CELF2: variants seen among roughly 807,000 people sequenced by gnomAD.
CELF2 encodes the protein CUG triplet repeat RNA-binding protein 2.
A neutral mutation model predicts 62.6 loss-of-function variants in CELF2; 8 were observed. The observed-to-expected ratio is 0.13, with a 90% CI of 0.07 to 0.23. The LOEUF (loss-of-function observed/expected upper bound fraction) is 0.23, where lower values mean the gene tolerates loss of function less well. Among genes scored for constraint, CELF2 ranks in the 10% least tolerant of loss-of-function variants. The pLI is 1.00. For missense variants in CELF2, 333 were observed against 671.0 expected (o/e 0.50, Z 5.56); for synonymous variants, 258 against 250.0 (o/e 1.03, Z -0.30).
chr10:10,827,730 G>C (rs1047788606), intron 1 of CELF2, among the ~76,000 whole-genome samples: 1 of 152,088 alleles, frequency 6.6e-6, no homozygotes, highest in Non-Finnish European at 1.5e-5. Context: ...TCATTGACTT[G>C]ATTTTTCTCT....
intron 1 of CELF2, among the ~76,000 whole-genome samples, chr10:11,101,385 A>G (rs1248650689): frequency 6.6e-6 from 1 of 152,230 alleles, no homozygotes; most frequent in East Asian, 1.9e-4. Context: ...AATTTCAGCC[A>G]TGGGTGTGAA....
At chr10:10,504,814 T>C in the CELF2 span, among the ~76,000 whole-genome samples, 1 of 152,162 alleles carries the variant, frequency 6.6e-6, no homozygotes, top group South Asian at 2.1e-4. Flanking sequence ...TTCATTCTGC[T>C]GTTGAATGCA....
chr10:11,197,679 C>G (rs538981694), intron 2 of CELF2, among the ~76,000 whole-genome samples: 7 of 152,216 alleles, frequency 4.6e-5, no homozygotes, highest in Admixed American at 4.6e-4. Context: ...TTGACTTACA[C>G]GGTCGGTGGC....
intron 1 of CELF2, among the ~76,000 whole-genome samples, chr10:11,047,946 A>T (rs1350909226): frequency 6.6e-6 from 1 of 152,224 alleles, no homozygotes; most frequent in Non-Finnish European, 1.5e-5. Flanking sequence ...TTTCAAAATT[A>T]TGGAAAAATG....
At chr10:10,691,538 G>A in the CELF2 span, among the ~76,000 whole-genome samples, 3 of 151,874 alleles carry the variant, frequency 2.0e-5, no homozygotes, top group Admixed American at 6.6e-5. Context: ...GGGATGGGCT[G>A]GGTCAAATGG....
the CELF2 span, among the ~76,000 whole-genome samples, chr10:10,683,238 T>A: frequency 6.6e-6 from 1 of 152,222 alleles, no homozygotes; most frequent in Non-Finnish European, 1.5e-5. Flanking sequence ...ACAGAAAGTC[T>A]GTTCAAAAGT....
chr10:10,733,863 C>A, the CELF2 span, among the ~76,000 whole-genome samples: 1 of 152,092 alleles, frequency 6.6e-6, no homozygotes, highest in Non-Finnish European at 1.5e-5. Flanking sequence ...GGGGACAGAG[C>A]CAAGGACAAA....
intron 1 of CELF2, among the ~76,000 whole-genome samples, chr10:10,833,013 C>CTGTGTGTGTGTGTGTGTGTG (rs71378768): frequency 1.5e-4 from 22 of 144,614 alleles, no homozygotes; most frequent in African/African-American, 5.2e-4. Context: ...ACAGAAAACT[C>CTGTGTGTGTGTGTGTGTGTG]TGTGTGTGTG....
At chr10:10,856,002 G>T (rs2059683707) in intron 1 of CELF2, among the ~76,000 whole-genome samples, 1 of 152,140 alleles carries the variant, frequency 6.6e-6, no homozygotes, top group Non-Finnish European at 1.5e-5. Context: ...TCTAGGAAAG[G>T]TATTTGGGAA....
At chr10:10,752,802 T>TAAA in the CELF2 span, among the ~76,000 whole-genome samples, 117 of 116,512 alleles carry the variant, frequency 1.0e-3, 1 homozygote, top group South Asian at 3.7e-3. Flanking sequence ...ATACCGGTAG[T>TAAA]AAAAAAAAAA....
chr10:10,582,014 C>G, the CELF2 span, among the ~76,000 whole-genome samples: 2 of 151,920 alleles, frequency 1.3e-5, no homozygotes, highest in African/African-American at 4.8e-5. Context: ...GGCAACAGAG[C>G]AAGATTCCAT....
chr10:11,254,677 CAG>C (rs2078156135), intron 4 of CELF2, among the ~76,000 whole-genome samples: 3 of 152,150 alleles, frequency 2.0e-5, no homozygotes, highest in Non-Finnish European at 4.4e-5. Context: ...ATAGGTTTAG[CAG>C]TGAAACCAAG....
chr10:11,281,086 A>G (rs4750039), intron 8 of CELF2, among the ~76,000 whole-genome samples: 132,192 of 151,546 alleles, frequency 0.87, 57,785 homozygotes, highest in East Asian at 0.94. Context: ...CTCAGCTCTC[A>G]TTTCTTCCTG....
rs12358857 is a variant in CELF2, at chr10:11,255,470, T to C, written c.404-2268T>C. On this transcript the variant is annotated intron_variant, in intron 4 of 12. Transcript: ENST00000633077. This position sits in a 1 kb window ranked among gnomAD's most constrained non-coding sequence, Gnocchi z 5.5. ...CCTTGCCTGGTTAGGACCTCTTTGC[T>C]CTCCCACCTCCAGTCTCTCCAGACC... 0.036 allele frequency among the ~76,000 whole-genome samples: 5,443 copies of C among 152,204 alleles called. 153 individuals carry two copies. Among genetic ancestry groups the C allele is most frequent in the Non-Finnish European group, 0.053 (3,597 of 68,004 alleles).
the CELF2 span, among the ~76,000 whole-genome samples, chr10:10,701,313 C>G: frequency 6.6e-6 from 1 of 152,268 alleles, no homozygotes; most frequent in South Asian, 2.1e-4. Flanking sequence ...GGAACTAGGA[C>G]AAGTATGAGC....
At chr10:10,898,603 A>G (rs2062726715) in intron 1 of CELF2, among the ~76,000 whole-genome samples, 4 of 152,230 alleles carry the variant, frequency 2.6e-5, no homozygotes, top group Admixed American at 1.3e-4. Context: ...TGTTGAAAAT[A>G]ATAACATATT....
the CELF2 span, among the ~76,000 whole-genome samples, chr10:10,554,343 C>G: frequency 6.6e-6 from 1 of 152,076 alleles, no homozygotes; most frequent in African/African-American, 2.4e-5. Flanking sequence ...AGCATGCGTT[C>G]CTGAGCCTTG....
At chr10:10,483,874 CCTT>C in the CELF2 span, among the ~76,000 whole-genome samples, 16 of 151,200 alleles carry the variant, frequency 1.1e-4, no homozygotes, top group African/African-American at 3.2e-4. Context: ...TTCCTTCCCT[CCTT>C]CTCTCTCTCT....
In CELF2 at chr10:11,243,129, A is replaced by G. The variant is rs2074496553; in HGVS notation, c.355-6024A>G. On this transcript the variant is annotated intron_variant, in intron 3 of 12. Coordinates refer to ENST00000633077, the MANE Select transcript of CELF2 (RefSeq NM_001326342.2). The surrounding 1 kb of genome is among the most constrained non-coding windows in gnomAD (Gnocchi z 4.1). ...GCTCCCCTCCATGAGCTCCACCTTC[A>G]TTGTGCATAGGACGCTGATTCTTAG... is the stretch of plus-strand genomic sequence containing the variant. 6.6e-6 allele frequency among the ~76,000 whole-genome samples: 1 copy of G among 152,050 alleles called. No individual in the cohort carries two copies. Among genetic ancestry groups the G allele is most frequent in the South Asian group, 2.1e-4 (1 of 4,826 alleles).
Sources: allele counts gnomAD v4.1 joint callset (sites outside exome capture counted in the v4.1 genomes callset), GRCh38; gene constraint gnomAD v4.1.1; non-coding constraint Gnocchi (gnomAD v3.1); transcripts MANE v1.5; gene names NCBI Gene and HGNC (gene_info 2026-07-23, HGNC 2026-07-21).